Variants in PSTPIP2 observed in about 807,000 individuals in gnomAD.
The protein encoded by PSTPIP2 is proline-serine-threonine phosphatase-interacting protein 2.
Under a neutral mutation model 63.3 loss-of-function variants are expected in PSTPIP2, and 33 were observed. The observed-to-expected ratio is 0.52, with a 90% CI of 0.40 to 0.70. The LOEUF is 0.70. Among genes scored for constraint, PSTPIP2 ranks in the 30% least tolerant of loss-of-function variants. The pLI, the probability that PSTPIP2 is intolerant of heterozygous loss-of-function variation, is 0.00. For synonymous variants in PSTPIP2, 125 were observed against 132.7 expected (o/e 0.94, Z 0.40); for missense variants, 312 against 400.7 (o/e 0.78, Z 1.89).
chr18:46,001,038 G>A (rs915541869), intron 6 of PSTPIP2, among the ~76,000 whole-genome samples: 2 of 152,216 alleles, frequency 1.3e-5, no homozygotes, highest in African/African-American at 4.8e-5. Context: ...ACATGGATAA[G>A]CCTGAAGGAC....
intron 14 of PSTPIP2, 93 bp from the exon 15 acceptor site, chr18:45,985,543 T>A: frequency 1.5e-6 from 2 of 1,377,570 alleles, no homozygotes; most frequent in Non-Finnish European, 2.0e-6. Context: ...AGAATAAGGG[T>A]GCAGGCCAAG....
At chr18:46,067,236 C>T (rs1206812597) in intron 1 of PSTPIP2, among the ~76,000 whole-genome samples, 1 of 152,064 alleles carries the variant, frequency 6.6e-6, no homozygotes, top group African/African-American at 2.4e-5. Context: ...GGCGCAGTGG[C>T]TCACTCCTGT....
intron 2 of PSTPIP2, among the ~76,000 whole-genome samples, chr18:46,039,060 G>A (rs1304712003): frequency 1.3e-5 from 2 of 152,156 alleles, no homozygotes; most frequent in Non-Finnish European, 2.9e-5. Flanking sequence ...ATGCTTTGAT[G>A]TCTGTATCTC....
intron 2 of PSTPIP2, among the ~76,000 whole-genome samples, chr18:46,027,470 G>A (rs1482186510): frequency 6.6e-6 from 1 of 151,622 alleles, no homozygotes; most frequent in African/African-American, 2.4e-5. Context: ...TGGGAGGATC[G>A]ATTGAGCCCA....
At chr18:46,049,152 T>A (rs902280068) in intron 1 of PSTPIP2, among the ~76,000 whole-genome samples, 2 of 151,946 alleles carry the variant, frequency 1.3e-5, no homozygotes, top group Non-Finnish European at 2.9e-5. Flanking sequence ...CAAGAGTAAA[T>A]CTAAATTTCT....
rs369306869 is a variant in PSTPIP2 at position 46,011,322 on chromosome 18, A to G, written c.248-35T>C. 3.4e-6 allele frequency: 5 copies of G among 1,462,232 alleles called. No homozygotes were observed. In the African/African-American group the frequency reaches 7.1e-5, roughly 21 times the overall value. 90.6% of individuals were successfully genotyped at this position (1,462,232 alleles called of 1,614,324 possible). A position where few individuals can be genotyped will look rare whatever the true frequency, so the allele number is the denominator to read the frequency against. ...AGAATTAAAAAAAAAATCAAGGTCT[A>G]CATATGTCTGAATTAAAATATATAA... On this transcript the variant is annotated intron_variant, in intron 4 of 14. Coordinates refer to ENST00000409746, the MANE Select transcript of PSTPIP2 (RefSeq NM_024430.4).
intron 8 of PSTPIP2, among the ~76,000 whole-genome samples, chr18:45,998,408 A>G (rs2051626237): frequency 6.6e-6 from 1 of 152,184 alleles, no homozygotes; most frequent in African/African-American, 2.4e-5. Context: ...CGGGGCTGAA[A>G]TGGTCTTTTA....
chr18:46,061,690 T>C (rs1479862976), intron 1 of PSTPIP2, among the ~76,000 whole-genome samples: 1 of 152,230 alleles, frequency 6.6e-6, no homozygotes, highest in Admixed American at 6.5e-5. Context: ...AGTGCCCAGA[T>C]CTGGCCATCT....
chr18:45,992,347 G>T (rs1413983328), intron 10 of PSTPIP2, 145 bp from the exon 11 acceptor site: 5 of 667,982 alleles, frequency 7.5e-6, no homozygotes, highest in Admixed American at 4.7e-5. Flanking sequence ...CGGATCACAA[G>T]GTCAGGAGTT....
chr18:46,054,244 C>A (rs1013133583), intron 1 of PSTPIP2, among the ~76,000 whole-genome samples: 2 of 152,168 alleles, frequency 1.3e-5, no homozygotes, highest in Admixed American at 6.6e-5. Context: ...TATGCAGTCT[C>A]TTGTTGACCA....
intron 2 of PSTPIP2, among the ~76,000 whole-genome samples, chr18:46,033,773 G>A (rs1907870452): frequency 1.3e-5 from 2 of 151,642 alleles, no homozygotes; most frequent in Non-Finnish European, 1.5e-5. Context: ...AGAGATGGGA[G>A]TTACACAGCT....
At chr18:45,991,050 G>T (rs1398813043) in intron 12 of PSTPIP2, among the ~76,000 whole-genome samples, 2 of 152,194 alleles carry the variant, frequency 1.3e-5, no homozygotes, top group East Asian at 3.8e-4. Context: ...CTTCCTGAGT[G>T]CCTTGAACAT....
chr18:45,998,892 C>T (rs1018359609), intron 7 of PSTPIP2, 53 bp from the exon 8 acceptor site: 38 of 1,602,466 alleles, frequency 2.4e-5, no homozygotes, highest in African/African-American at 1.2e-4. Flanking sequence ...GAATGCTGGA[C>T]GAGGCTTCCA....
Position 46,038,907 on chromosome 18 carries a change from C to T in PSTPIP2, c.134+1040G>A, listed in dbSNP as rs540582698. ...ATCCCAGAACTTTGGGAGGCCGAGG[C>T]AGGCAGATCACCTGAGGTCGAGAGT... is the stretch of plus-strand genomic sequence containing the variant. On this transcript the variant is annotated intron_variant, in intron 2 of 14. Transcript: ENST00000409746. Among the ~76,000 whole-genome samples, 25 of 152,316 alleles carry T rather than the reference C, an allele frequency of 1.6e-4. No homozygotes were observed. In the South Asian group the frequency reaches 5.0e-3, roughly 30 times the overall value.
chr18:46,010,439 C>T (rs1415328440), intron 5 of PSTPIP2, among the ~76,000 whole-genome samples: 1 of 152,134 alleles, frequency 6.6e-6, no homozygotes, highest in African/African-American at 2.4e-5. Flanking sequence ...GTCTTGAAAA[C>T]CAGACACAGA....
intron 2 of PSTPIP2, among the ~76,000 whole-genome samples, chr18:46,032,697 T>C (rs917585149): frequency 7.4e-5 from 10 of 135,104 alleles, no homozygotes; most frequent in African/African-American, 2.9e-4. Flanking sequence ...GAGGTTGCAG[T>C]GAGCCGAGAT....
At chr18:46,055,953 C>T (rs754613613) in intron 1 of PSTPIP2, among the ~76,000 whole-genome samples, 6 of 152,208 alleles carry the variant, frequency 3.9e-5, no homozygotes, top group South Asian at 2.1e-4. Context: ...ACGGGAAAAC[C>T]GAGTATTTTT....
intron 1 of PSTPIP2, chr18:46,040,989 G>A (rs1284730373): frequency 2.2e-6 from 1 of 457,300 alleles, no homozygotes; most frequent in Admixed American, 2.3e-5. Context: ...ACAGGACCAT[G>A]TAACCTGGTG....
intron 1 of PSTPIP2, among the ~76,000 whole-genome samples, chr18:46,069,109 G>C (rs1909301488): frequency 6.6e-6 from 1 of 152,106 alleles, no homozygotes; most frequent in South Asian, 2.1e-4. Context: ...GGAGGTTCAG[G>C]GACGATTTGG....
Sources: gnomAD v4.1 joint callset for allele counts (sites outside exome capture counted in the v4.1 genomes callset) on GRCh38, gnomAD v4.1.1 for gene constraint, MANE v1.5 for transcripts, NCBI Gene and HGNC (gene_info 2026-07-23, HGNC 2026-07-21) for gene names.